The following LBP variants were observed in gnomAD, a reference collection of about 807,000 sequenced individuals.
The protein encoded by LBP is lipopolysaccharide binding protein, also known as lipopolysaccharide-binding protein.
In LBP, 53 loss-of-function variants were observed where a neutral mutation model predicts 56.6. That is an observed-to-expected ratio of 0.94 (90% CI 0.75 to 1.18). The LOEUF (loss-of-function observed/expected upper bound fraction) is 1.18. Among genes scored for constraint, LBP ranks in the 50% most tolerant of loss-of-function variants. LBP has a pLI of 0.00. For synonymous variants in LBP, 227 were observed against 247.5 expected (o/e 0.92, Z 0.78); for missense variants, 601 against 598.3 (o/e 1.00, Z -0.05).
intron 12 of LBP, among the ~76,000 whole-genome samples, chr20:38,372,412 T>C (rs1026159590): frequency 2.0e-5 from 3 of 152,254 alleles, no homozygotes; most frequent in African/African-American, 7.2e-5. Context: ...ACTCATATTG[T>C]ATCTGTGCGT....
chr20:38,368,983 T>A lies in LBP; in HGVS notation c.982-12T>A, dbSNP rs1294594366. On this transcript the variant is annotated splice_polypyrimidine_tract_variant and intron_variant, in intron 9 of 14. Transcript: ENST00000217407. The stretch of plus-strand genomic sequence containing the variant: ...TTCTTCTCTTGATGTAATCTCCTAA[T>A]TCTGCTCCCAGTTAGCCAGGCTCTA... 7 of 1,613,520 alleles carry A rather than the reference T, an allele frequency of 4.3e-6. No individual in the cohort carries two copies. The African/African-American group carries it at 8.0e-5, about 18-fold the overall frequency.
In LBP at chr20:38,346,492, T is replaced by C. The variant is rs747693281; in HGVS notation, c.-25T>C. On this transcript the variant is annotated 5_prime_UTR_variant, in exon 1 of 15. Transcript: ENST00000217407. ...GCCCAATCCACAGCTGGGACAGTCC[T>C]GGCCCACTGCACTGGGAATCTAGGA... 6.2e-7 allele frequency: 1 copy of C among 1,612,776 alleles called. No homozygotes were observed. Among genetic ancestry groups the C allele is most frequent in the Non-Finnish European group, 8.5e-7 (1 of 1,179,668 alleles).
chr20:38,357,134 C>T (rs184910411), intron 5 of LBP, among the ~76,000 whole-genome samples: 15 of 152,328 alleles, frequency 9.8e-5, no homozygotes, highest in Non-Finnish European at 1.3e-4. Context: ...AGATTACAGG[C>T]GTAAGCCACC....
In LBP at chr20:38,355,715, C is replaced by T. The variant is rs2298266; in HGVS notation, c.588+306C>T. Among the ~76,000 whole-genome samples, 1,588 of 152,196 alleles carry T rather than the reference C, an allele frequency of 0.01. 71 individuals carry two copies. The East Asian group carries it at 0.13, about 13-fold the overall frequency. On this transcript the variant is annotated intron_variant, in intron 5 of 14. Transcript: ENST00000217407. Reference sequence around the variant, plus strand: ...ACCTTGCTCAGTGCCCCACACTGCCCTGCATTCCACCAAGGTCCGAAAGGA... The same window carrying T: ...ACCTTGCTCAGTGCCCCACACTGCCTTGCATTCCACCAAGGTCCGAAAGGA...
chr20:38,371,726 T>C (rs191857904), intron 12 of LBP, among the ~76,000 whole-genome samples: 4 of 152,342 alleles, frequency 2.6e-5, no homozygotes, highest in African/African-American at 7.2e-5. Flanking sequence ...CTCTGTTCTG[T>C]TTTCATTTGT....
chr20:38,369,255 T>C (rs937641773), intron 10 of LBP, 93 bp downstream of exon 10: 2 of 1,253,788 alleles, frequency 1.6e-6, no homozygotes, highest in African/African-American at 3.0e-5. Context: ...ACCACCTGGG[T>C]AATTCCTCCA....
intron 14 of LBP, among the ~76,000 whole-genome samples, chr20:38,375,083 C>T (rs2076913558): frequency 6.6e-6 from 1 of 151,264 alleles, no homozygotes; most frequent in Non-Finnish European, 1.5e-5. Flanking sequence ...AGGCATGAGA[C>T]ACCATATACA....
At position 38,371,278 on chromosome 20, in the gene LBP, AG is replaced by A; in HGVS notation, c.1219del. 6.2e-7 allele frequency: 1 copy of A among 1,610,660 alleles called. No homozygotes were observed. Among genetic ancestry groups the A allele is most frequent in the Non-Finnish European group, 8.5e-7 (1 of 1,177,342 alleles). On this transcript the variant is annotated splice_acceptor_variant, in intron 11 of 14. Coordinates refer to ENST00000217407, the MANE Select transcript of LBP (RefSeq NM_004139.5). LOFTEE classifies it high-confidence loss of function. The stretch of plus-strand genomic sequence containing the variant: ...CTTTTAATCTTCTCTGATTCATTAC[AG>A]GGTAAAAGTGGAACTGAAAGAATCC...
intron 14 of LBP, among the ~76,000 whole-genome samples, chr20:38,374,470 G>GT (rs2076911143): frequency 6.6e-6 from 1 of 151,764 alleles, no homozygotes; most frequent in Non-Finnish European, 1.5e-5. Context: ...GGTGGCAGGT[G>GT]CCTGTAATCC....
chr20:38,350,941 T>C lies in LBP; in HGVS notation c.368+2T>C, dbSNP rs112598125. On this transcript the variant is annotated splice_donor_variant, in intron 3 of 14. Coordinates refer to ENST00000217407, the MANE Select transcript of LBP (RefSeq NM_004139.5). LOFTEE classifies it high-confidence loss of function. ...GTGGAAGGTGCGCAAGTCATTCTTG[T>C]AAGTTGGCTCTGCTCCCAGGCCCTG... The C allele has an allele frequency of 1.2e-6, 2 of 1,613,082 alleles. No homozygotes were observed. Among genetic ancestry groups the C allele is most frequent in the South Asian group, 2.2e-5 (2 of 91,046 alleles).
chr20:38,371,200 C>G, intron 11 of LBP, 80 bp from the exon 12 acceptor site: 1 of 1,147,652 alleles, frequency 8.7e-7, no homozygotes, highest in Non-Finnish European at 1.3e-6. Flanking sequence ...CAAGCCCATC[C>G]TTTCTCGCTT....
chr20:38,363,319 G>A (rs1237498616), intron 6 of LBP, among the ~76,000 whole-genome samples: 1 of 152,176 alleles, frequency 6.6e-6, no homozygotes, highest in Non-Finnish European at 1.5e-5. Flanking sequence ...TCACATGGAT[G>A]TGTCTTCATT....
At chr20:38,370,452 T>C (rs765623562) in intron 10 of LBP, among the ~76,000 whole-genome samples, 1 of 152,190 alleles carries the variant, frequency 6.6e-6, no homozygotes, top group African/African-American at 2.4e-5. Flanking sequence ...TGATCCTTTT[T>C]AGAGCTTTCC....
At position 38,376,920 on chromosome 20, in the gene LBP, C is replaced by A; in HGVS notation, c.*251C>A. ...GACTGGCCTGGGATATCTTTACAAG[C>A]AGGCACTGTATTTTTTTATTCGCCA... On this transcript the variant is annotated 3_prime_UTR_variant, in exon 15 of 15. Transcript: ENST00000217407. 1.5e-6 allele frequency: 1 copy of A among 650,458 alleles called. No homozygotes were observed. The highest frequency in any genetic ancestry group is 2.8e-6 in the Non-Finnish European group (1 of 351,448). The allele number at this position is 650,458 out of a possible 1,614,324, so 40.3% of individuals were successfully genotyped here. A position where few individuals can be genotyped will look rare whatever the true frequency, so the allele number is the denominator to read the frequency against.
At chr20:38,348,452 A>C (rs2076808438) in intron 1 of LBP, among the ~76,000 whole-genome samples, 1 of 151,906 alleles carries the variant, frequency 6.6e-6, no homozygotes, top group South Asian at 2.1e-4. Flanking sequence ...AGCTGGGATT[A>C]CAGGCACATG....
intron 8 of LBP, among the ~76,000 whole-genome samples, chr20:38,366,142 G>A (rs993377079): frequency 6.6e-6 from 1 of 152,128 alleles, no homozygotes; most frequent in African/African-American, 2.4e-5. Flanking sequence ...AGGATGGTGG[G>A]AGAAACAGTG....
intron 10 of LBP, 54 bp downstream of exon 10, chr20:38,369,216 C>A: frequency 6.6e-7 from 1 of 1,526,634 alleles, no homozygotes; most frequent in Non-Finnish European, 8.9e-7. Context: ...ATGCTTTTCC[C>A]TTTTCCCCAC....
chr20:38,362,809 A>G (rs976676157), intron 6 of LBP, among the ~76,000 whole-genome samples: 3 of 151,236 alleles, frequency 2.0e-5, no homozygotes, highest in Admixed American at 2.0e-4. Context: ...TTAGCCAGGC[A>G]TAGTGGTGTG....
At chr20:38,375,612 T>C (rs945664175) in intron 14 of LBP, among the ~76,000 whole-genome samples, 1 of 152,158 alleles carries the variant, frequency 6.6e-6, no homozygotes, top group East Asian at 1.9e-4. Context: ...TAAGGTTCTT[T>C]TTAAAGCTTA....
Sources: gnomAD v4.1 joint callset for allele counts (sites outside exome capture counted in the v4.1 genomes callset) on GRCh38, gnomAD v4.1.1 for gene constraint, MANE v1.5 for transcripts, NCBI Gene and HGNC (gene_info 2026-07-23, HGNC 2026-07-21) for gene names.